The following SVIL variants were observed in gnomAD, a reference collection of about 807,000 sequenced individuals.
SVIL encodes archvillin.
In SVIL, 101 loss-of-function variants were observed where a neutral mutation model predicts 240.4. The observed-to-expected ratio is 0.42, with a 90% CI of 0.36 to 0.50. SVIL has a LOEUF of 0.50. Ranked by LOEUF, SVIL falls within the 20% of genes least tolerant of loss-of-function variation. The pLI, the probability that SVIL is intolerant of heterozygous loss-of-function variation, is 0.01. For synonymous variants in SVIL, 999 were observed against 1,100.0 expected, an observed-to-expected ratio of 0.91 and a Z score of 1.82; for missense variants, 2,512 against 2,818.7, an observed-to-expected ratio of 0.89 and a Z score of 2.46.
chr10:29,529,953 T>G, intron 11 of SVIL, 109 bp from the exon 12 acceptor site: 1 of 1,206,226 alleles, frequency 8.3e-7, no homozygotes, highest in South Asian at 1.6e-5. Context: ...GGAAGATTGC[T>G]GGAGGCCAAG....
intron 1 of SVIL, among the ~76,000 whole-genome samples, chr10:29,577,331 C>T (rs1261559985): frequency 1.4e-4 from 21 of 152,146 alleles, no homozygotes. Flanking sequence ...TCCCTCACTC[C>T]TCTCCCAACC....
At position 29,530,630 on chromosome 10, in the gene SVIL, C is replaced by T. The variant is rs753010048; in HGVS notation, c.2083G>A (p.Ala695Thr). ...ACCCTGAAAAGCAACCTCTTGGCGG[C>T]GACGCTCAGCTTGGCTCGTTCATCC... ...KVDERAKLSV[A>T]AKRLLFREME... is the part of the protein sequence containing the mutation. The change falls in exon 11 of 38, where the codon GCC (alanine) becomes ACC (threonine). Residue 695 changes from alanine (A) to threonine (T), a missense_variant. Coordinates refer to ENST00000355867, the MANE Select transcript of SVIL (RefSeq NM_021738.3). 30 of 1,613,966 alleles carry T rather than the reference C, an allele frequency of 1.9e-5. No individual in the cohort carries two copies. Among genetic ancestry groups the T allele is most frequent in the African/African-American group, 8.0e-5 (6 of 74,912 alleles).
intron 1 of SVIL, among the ~76,000 whole-genome samples, chr10:29,621,447 G>C (rs147042666): frequency 6.7e-4 from 102 of 152,378 alleles, no homozygotes; most frequent in African/African-American, 2.2e-3. Context: ...GTCCCACCAT[G>C]CTTGGGAAAC....
At chr10:29,537,696 C>G (rs1017135567) in intron 6 of SVIL, among the ~76,000 whole-genome samples, 54 of 152,160 alleles carry the variant, frequency 3.5e-4, no homozygotes, top group African/African-American at 1.2e-3. Flanking sequence ...AAGTTATAAT[C>G]AACTTAATTT....
intron 17 of SVIL, among the ~76,000 whole-genome samples, chr10:29,509,254 G>C (rs1032671707): frequency 1.4e-4 from 20 of 147,488 alleles, no homozygotes; most frequent in Non-Finnish European, 2.7e-4. Context: ...CCAAGAACAG[G>C]TGAAAGATAA....
intron 1 of SVIL, among the ~76,000 whole-genome samples, chr10:29,595,756 G>A (rs1956559053): frequency 6.6e-6 from 1 of 152,162 alleles, no homozygotes; most frequent in Non-Finnish European, 1.5e-5. Context: ...GTGCCTGGTG[G>A]TTCTGTGATG....
At chr10:29,703,113 GA>G (rs1343899935) in intron 1 of SVIL, among the ~76,000 whole-genome samples, 2 of 152,154 alleles carry the variant, frequency 1.3e-5, no homozygotes, top group South Asian at 4.1e-4. Context: ...TTTTAATAGA[GA>G]AAAAAGAGAG....
chr10:29,704,056 G>T (rs1162873661), intron 1 of SVIL, among the ~76,000 whole-genome samples: 1 of 152,148 alleles, frequency 6.6e-6, no homozygotes, highest in African/African-American at 2.4e-5. Flanking sequence ...TCCCGCCTCG[G>T]CCTCTCAAAG....
At chr10:29,540,664 G>T (rs2132600103) in intron 6 of SVIL, among the ~76,000 whole-genome samples, 1 of 152,220 alleles carries the variant, frequency 6.6e-6, no homozygotes, top group Admixed American at 6.5e-5. Flanking sequence ...GAATGAGGTT[G>T]GGATGCCAGT....
intron 1 of SVIL, among the ~76,000 whole-genome samples, chr10:29,700,905 A>G (rs1457522926): frequency 6.6e-6 from 1 of 152,146 alleles, no homozygotes; most frequent in African/African-American, 2.4e-5. Context: ...ACCTTAGCCC[A>G]TCGCTTCAAG....
chr10:29,540,360 C>T (rs893110860), intron 6 of SVIL, among the ~76,000 whole-genome samples: 4 of 152,172 alleles, frequency 2.6e-5, no homozygotes, highest in East Asian at 1.9e-4. Flanking sequence ...CCTCGGCACT[C>T]GGAACTATGT....
At chr10:29,509,219 T>A (rs1486810250) in intron 17 of SVIL, among the ~76,000 whole-genome samples, 2 of 151,216 alleles carry the variant, frequency 1.3e-5, no homozygotes, top group East Asian at 3.9e-4. Flanking sequence ...CATGTTTAAG[T>A]CAGGTTAGCC....
chr10:29,585,635 T>C (rs1956134450), intron 1 of SVIL, among the ~76,000 whole-genome samples: 1 of 151,900 alleles, frequency 6.6e-6, no homozygotes, highest in Non-Finnish European at 1.5e-5. Flanking sequence ...GCATCTCAGA[T>C]GTCATCTCCC....
chr10:29,486,357 A>T, intron 25 of SVIL, 53 bp downstream of exon 25: 2 of 1,606,056 alleles, frequency 1.2e-6, no homozygotes, highest in Non-Finnish European at 1.7e-6. Flanking sequence ...GAGCTAAGGG[A>T]GAAGAAAGGA....
chr10:29,511,630 A>G (rs372149426), intron 17 of SVIL, among the ~76,000 whole-genome samples: 60 of 152,246 alleles, frequency 3.9e-4, no homozygotes, highest in African/African-American at 1.4e-3. Context: ...AAAAATATGC[A>G]CATGCATATA....
intron 1 of SVIL, among the ~76,000 whole-genome samples, chr10:29,590,219 T>C (rs2132800091): frequency 6.9e-6 from 1 of 144,184 alleles, no homozygotes; most frequent in Non-Finnish European, 1.5e-5. Flanking sequence ...ATTCCTCCCT[T>C]CCAGCCCCTG....
intron 13 of SVIL, among the ~76,000 whole-genome samples, chr10:29,525,370 A>G (rs1373544288): frequency 5.3e-5 from 8 of 152,154 alleles, no homozygotes; most frequent in Non-Finnish European, 1.0e-4. Context: ...GCTCATATCT[A>G]TGGAAGGCCA....
intron 1 of SVIL, among the ~76,000 whole-genome samples, chr10:29,725,577 T>C (rs1207457484): frequency 6.6e-6 from 1 of 151,982 alleles, no homozygotes; most frequent in African/African-American, 2.4e-5. Flanking sequence ...AGGAAGTGAC[T>C]CTCCCCTTCT....
At chr10:29,533,847 G>A (rs998963866) in intron 7 of SVIL, among the ~76,000 whole-genome samples, 6 of 152,080 alleles carry the variant, frequency 3.9e-5, no homozygotes, top group South Asian at 4.1e-4. Context: ...TCATGTACAC[G>A]CCCAGAACAC....
Sources: allele counts gnomAD v4.1 joint callset (sites outside exome capture counted in the v4.1 genomes callset), GRCh38; gene constraint gnomAD v4.1.1; transcripts MANE v1.5; gene names NCBI Gene and HGNC (gene_info 2026-07-23, HGNC 2026-07-21).